POLA2: variants seen among roughly 807,000 people sequenced by gnomAD.
POLA2 encodes DNA polymerase alpha 2, accessory subunit.
In POLA2, 47 loss-of-function variants were observed where a neutral mutation model predicts 82.8. That is an observed-to-expected ratio of 0.57 (90% CI 0.45 to 0.72). POLA2 has a LOEUF of 0.72. POLA2 is among the 30% of genes least tolerant of loss of function. The pLI, the probability that POLA2 is intolerant of heterozygous loss-of-function variation, is 0.00. For missense variants in POLA2, 634 were observed against 728.1 expected (o/e 0.87, Z 1.49); for synonymous variants, 287 against 286.8 (o/e 1.00, Z -0.01).
downstream of POLA2, among the ~76,000 whole-genome samples, chr11:65,305,869 G>T (rs1949885053): frequency 6.6e-6 from 1 of 152,186 alleles, no homozygotes; most frequent in South Asian, 2.1e-4. Context: ...CTGCCAAGAA[G>T]TGCATCTGTA....
intron 13 of POLA2, among the ~76,000 whole-genome samples, chr11:65,292,427 C>T (rs1949765213): frequency 6.6e-6 from 1 of 152,186 alleles, no homozygotes; most frequent in African/African-American, 2.4e-5. Flanking sequence ...AGCAGGAAGG[C>T]TATTTCCTCC....
At chr11:65,283,044 T>A (rs1437656662) in intron 10 of POLA2, among the ~76,000 whole-genome samples, 1 of 152,138 alleles carries the variant, frequency 6.6e-6, no homozygotes, top group African/African-American at 2.4e-5. Flanking sequence ...GACAGGAGGA[T>A]TGCCTAAGCC....
downstream of POLA2, among the ~76,000 whole-genome samples, chr11:65,299,374 A>T (rs1590914181): frequency 6.6e-6 from 1 of 152,084 alleles, no homozygotes; most frequent in East Asian, 1.9e-4. Flanking sequence ...GCCCTCCCTT[A>T]CCCGCCTCGT....
At chr11:65,292,191 G>A (rs553765745) in intron 13 of POLA2, among the ~76,000 whole-genome samples, 5 of 152,096 alleles carry the variant, frequency 3.3e-5, no homozygotes, top group Non-Finnish European at 7.4e-5. Context: ...AGCCGAGATC[G>A]CACCACTGCA....
At chr11:65,299,099 G>A (rs1002252918), downstream of POLA2, among the ~76,000 whole-genome samples, 1 of 152,216 alleles carries the variant, frequency 6.6e-6, no homozygotes, top group Admixed American at 6.5e-5. Context: ...CACTTCAGCT[G>A]TGTCACCAGT....
chr11:65,305,932 ACACT>A (rs1381935196), downstream of POLA2, among the ~76,000 whole-genome samples: 1 of 152,174 alleles, frequency 6.6e-6, no homozygotes, highest in Admixed American at 6.5e-5. Flanking sequence ...AAATGAGGAC[ACACT>A]CTATGTATTG....
Position 65,279,530 on chromosome 11 carries a change from G to T in POLA2, c.656-8G>T. On this transcript the variant is annotated splice_region_variant and splice_polypyrimidine_tract_variant and intron_variant, in intron 6 of 17. Coordinates refer to ENST00000265465, the MANE Select transcript of POLA2 (RefSeq NM_002689.4). Reference sequence around the variant, plus strand: ...ACATAATACTTTTTTCCACTTCTGGGATTGTAGTTCTGACCTGTAAGATAG... The same window carrying T: ...ACATAATACTTTTTTCCACTTCTGGTATTGTAGTTCTGACCTGTAAGATAG... 1 of 1,588,524 alleles carries T rather than the reference G, an allele frequency of 6.3e-7. No individual in the cohort carries two copies. The highest frequency in any genetic ancestry group is 1.8e-5 in the Admixed American group (1 of 56,946).
chr11:65,269,777 A>C (rs558061557), intron 4 of POLA2, among the ~76,000 whole-genome samples: 4 of 152,206 alleles, frequency 2.6e-5, no homozygotes, highest in Non-Finnish European at 5.9e-5. Flanking sequence ...CATAAGAAAG[A>C]GGTAATTTAC....
intron 10 of POLA2, among the ~76,000 whole-genome samples, chr11:65,284,042 G>A (rs944328760): frequency 6.6e-6 from 1 of 151,806 alleles, no homozygotes; most frequent in Admixed American, 6.6e-5. Flanking sequence ...GCTGAGGTGC[G>A]GGGATCACTT....
intron 4 of POLA2, among the ~76,000 whole-genome samples, chr11:65,270,950 C>T (rs1431912377): frequency 2.0e-5 from 3 of 152,190 alleles, no homozygotes; most frequent in African/African-American, 7.2e-5. Context: ...GCCCCCTCCT[C>T]CTTCTGTCCT....
intron 15 of POLA2, 34 bp from the exon 16 acceptor site, chr11:65,295,505 AG>A (rs1440140226): frequency 6.3e-7 from 1 of 1,584,908 alleles, no homozygotes; most frequent in Admixed American, 1.7e-5. Flanking sequence ...GCTGAAAAAC[AG>A]AGTTCTGTTT....
At chr11:65,299,867 T>A (rs920639875), downstream of POLA2, among the ~76,000 whole-genome samples, 2 of 152,076 alleles carry the variant, frequency 1.3e-5, no homozygotes, top group African/African-American at 2.4e-5. Context: ...AATTTTTGTA[T>A]TTTCAGTAGA....
downstream of POLA2, chr11:65,305,705 C>T: frequency 4.1e-6 from 1 of 244,976 alleles, no homozygotes; most frequent in Non-Finnish European, 8.2e-6. Context: ...TAAGACACCA[C>T]TGCATGTATC....
At chr11:65,264,372 T>C (rs927416217) in intron 1 of POLA2, among the ~76,000 whole-genome samples, 4 of 152,136 alleles carry the variant, frequency 2.6e-5, no homozygotes, top group Non-Finnish European at 5.9e-5. Context: ...CCTGTTCTAC[T>C]TTTTGTATTT....
intron 4 of POLA2, among the ~76,000 whole-genome samples, chr11:65,273,378 C>T (rs2137518034): frequency 6.6e-6 from 1 of 152,244 alleles, no homozygotes; most frequent in Middle Eastern, 3.4e-3. Context: ...AATAATGAAT[C>T]GTATGAGCTT....
At chr11:65,273,491 T>C (rs895704628) in intron 4 of POLA2, among the ~76,000 whole-genome samples, 1 of 152,182 alleles carries the variant, frequency 6.6e-6, no homozygotes, top group African/African-American at 2.4e-5. Context: ...GTGCCTTGTT[T>C]ACCAAAGTGC....
chr11:65,262,131 T>A lies in POLA2; in HGVS notation c.-162T>A. ...TCTGTGACCGACGGCCGGGGCCTTC[T>A]GACGGTCTGAGGTCTTGCTTGGGCC... On this transcript the variant is annotated 5_prime_UTR_variant, in exon 1 of 18. Transcript: ENST00000265465. 1.7e-6 allele frequency: 1 copy of A among 602,438 alleles called. No homozygotes were observed. Among genetic ancestry groups the A allele is most frequent in the South Asian group, 1.9e-5 (1 of 53,854 alleles). 37.3% of individuals were successfully genotyped at this position (602,438 alleles called of 1,614,324 possible).
At chr11:65,284,354 C>G (rs1333943263) in intron 10 of POLA2, among the ~76,000 whole-genome samples, 1 of 151,736 alleles carries the variant, frequency 6.6e-6, no homozygotes, top group Admixed American at 6.6e-5. Context: ...GTTGTGCACA[C>G]CTGTATAGTC....
rs55765473 is a variant in POLA2, at chr11:65,287,719, T to C, written c.1010T>C (p.Phe337Ser). The C allele has an allele frequency of 1.0e-3, 1,691 of 1,613,378 alleles. 26 individuals carry two copies. In the East Asian group the frequency reaches 0.034, roughly 33 times the overall value. ...FYQPTEEDAD[F>S]EQSMVLVACG... ...AGACCTATAACCTCTGTCTTAGACT[T>C]TGAGCAAAGCATGGTCCTGGTTGCC... The change falls in exon 11 of 18, where the codon TTT becomes TCT. Residue 337 changes from phenylalanine to serine, a missense_variant. Phe to Ser is a radical substitution (Grantham distance 155). Transcript: ENST00000265465.
Sources: gnomAD v4.1 joint callset for allele counts (sites outside exome capture counted in the v4.1 genomes callset) on GRCh38, gnomAD v4.1.1 for gene constraint, MANE v1.5 for transcripts, NCBI Gene and HGNC (gene_info 2026-07-23, HGNC 2026-07-21) for gene names.